Variants in RYR2 observed in about 807,000 individuals in gnomAD.
RYR2 encodes cardiac muscle ryanodine receptor-calcium release channel.
Under a neutral mutation model 601.1 loss-of-function variants are expected in RYR2, and 227 were observed. The ratio of observed to expected loss-of-function variants is 0.38; its 90% CI spans 0.34 to 0.42. The LOEUF is 0.42. RYR2 is among the 10% of genes least tolerant of loss of function. The pLI is 1.00. For missense variants in RYR2, 4,646 were observed against 6,156.5 expected (o/e 0.75, Z 8.21); for synonymous variants, 2,223 against 2,175.1 (o/e 1.02, Z -0.61).
At chr1:237,376,140 T>G (rs1244751402) in intron 7 of RYR2, among the ~76,000 whole-genome samples, 1 of 152,152 alleles carries the variant, frequency 6.6e-6, no homozygotes, top group Non-Finnish European at 1.5e-5. Context: ...TTTGAATGGA[T>G]GAAAAGCTAC....
intron 35 of RYR2, among the ~76,000 whole-genome samples, chr1:237,609,073 G>C (rs1456847971): frequency 9.4e-6 from 1 of 106,514 alleles, no homozygotes; most frequent in African/African-American, 3.5e-5. Context: ...TTTCTTTCTT[G>C]CTGACAGTCT....
chr1:237,206,229 A>G (rs1681799729), intron 1 of RYR2, among the ~76,000 whole-genome samples: 2 of 152,188 alleles, frequency 1.3e-5, no homozygotes, highest in African/African-American at 4.8e-5. Context: ...GAGGTGAGTC[A>G]TCACCTGAGG....
intron 64 of RYR2, among the ~76,000 whole-genome samples, chr1:237,699,779 A>G (rs1460924332): frequency 6.6e-6 from 1 of 152,244 alleles, no homozygotes; most frequent in Non-Finnish European, 1.5e-5. Flanking sequence ...CGGCGGCTTC[A>G]TTAGAAAAGA....
intron 1 of RYR2, among the ~76,000 whole-genome samples, chr1:237,254,099 A>C (rs554711839): frequency 1.2e-4 from 19 of 152,296 alleles, no homozygotes; most frequent in African/African-American, 4.6e-4. Flanking sequence ...ACAAGATTAA[A>C]ATTACTTCTG....
chr1:237,691,810 T>C (rs1177038483), intron 63 of RYR2, among the ~76,000 whole-genome samples: 1 of 152,184 alleles, frequency 6.6e-6, no homozygotes, highest in Non-Finnish European at 1.5e-5. Flanking sequence ...CTAGTGATTA[T>C]AAGTTGGTGC....
At position 237,430,565 on chromosome 1, in the gene RYR2, CAG is replaced by C. The variant is rs111851463; in HGVS notation, c.1005+7323_1005+7324del. On this transcript the variant is annotated intron_variant, in intron 12 of 104. Transcript: ENST00000366574. ...TGGAAGCTGTATGAGAATATGAAGA[CAG>C]AGAGAAATTTTTTCTTTAACTTAAA... Among the ~76,000 whole-genome samples the C allele has an allele frequency of 2.7e-3, 416 of 152,092 alleles. 4 individuals are homozygous for C. Among genetic ancestry groups the C allele is most frequent in the African/African-American group, 9.4e-3 (392 of 41,506 alleles).
chr1:237,559,534 C>T (rs532306207), intron 27 of RYR2, among the ~76,000 whole-genome samples: 97 of 152,328 alleles, frequency 6.4e-4, no homozygotes, highest in African/African-American at 2.3e-3. Flanking sequence ...GCATGAGACG[C>T]TGTGCCCAGC....
chr1:237,312,620 A>G (rs1223686586), intron 2 of RYR2, among the ~76,000 whole-genome samples: 1 of 152,242 alleles, frequency 6.6e-6, no homozygotes, highest in Admixed American at 6.5e-5. Context: ...CAAATATGTC[A>G]CTGAAAATGA....
intron 73 of RYR2, 122 bp downstream of exon 73, chr1:237,718,643 CATT>C: frequency 2.2e-6 from 1 of 445,294 alleles, no homozygotes; most frequent in Non-Finnish European, 4.1e-6. Flanking sequence ...TTTAATTAGT[CATT>C]ATCCTACTTG....
intron 74 of RYR2, 65 bp from the exon 75 acceptor site, chr1:237,726,208 T>C (rs1180413272): frequency 2.8e-6 from 3 of 1,069,524 alleles, no homozygotes; most frequent in Non-Finnish European, 2.8e-6. Flanking sequence ...TTTGACTCTT[T>C]ACTGCAAAGG....
At chr1:237,168,158 T>G (rs1676925373) in intron 1 of RYR2, among the ~76,000 whole-genome samples, 1 of 152,162 alleles carries the variant, frequency 6.6e-6, no homozygotes, top group Non-Finnish European at 1.5e-5. Context: ...CATCTGTAAT[T>G]GGGATTAGTA....
At chr1:237,540,578 G>T (rs1471050113) in intron 25 of RYR2, among the ~76,000 whole-genome samples, 6 of 152,030 alleles carry the variant, frequency 3.9e-5, no homozygotes, top group Non-Finnish European at 2.9e-5. Flanking sequence ...ATGGTGGCAG[G>T]TGCCTGTAAT....
chr1:237,568,323 G>T (rs530788834), intron 28 of RYR2, among the ~76,000 whole-genome samples: 8 of 152,224 alleles, frequency 5.3e-5, no homozygotes, highest in Non-Finnish European at 7.4e-5. Flanking sequence ...GTCTGGTAAC[G>T]TACCGATTCA....
chr1:237,569,393 G>A (rs78159899), intron 29 of RYR2, 74 bp downstream of exon 29: 23,701 of 1,461,776 alleles, frequency 0.016, 299 homozygotes, highest in East Asian at 0.063. Flanking sequence ...CTTCCTAACC[G>A]GGCGTTTCTG....
At chr1:237,667,279 G>A (rs921732710) in intron 57 of RYR2, among the ~76,000 whole-genome samples, 3 of 152,140 alleles carry the variant, frequency 2.0e-5, no homozygotes, top group Admixed American at 6.5e-5. Flanking sequence ...AATAAGGACC[G>A]TAAATATAAA....
chr1:237,283,488 C>T (rs1355602497), intron 2 of RYR2, among the ~76,000 whole-genome samples: 3 of 152,182 alleles, frequency 2.0e-5, no homozygotes, highest in South Asian at 2.1e-4. Flanking sequence ...TCTTGTATCT[C>T]AGGTACATAA....
chr1:237,136,781 C>T (rs979156812), intron 1 of RYR2, among the ~76,000 whole-genome samples: 5 of 151,922 alleles, frequency 3.3e-5, no homozygotes, highest in African/African-American at 7.3e-5. Context: ...TTTGGGAGGC[C>T]GAAGCAGGCA....
chr1:237,698,149 TG>T (rs1336486832), intron 63 of RYR2, among the ~76,000 whole-genome samples: 4 of 135,466 alleles, frequency 3.0e-5, no homozygotes, highest in African/African-American at 8.0e-5. Flanking sequence ...TGTGTGTGTG[TG>T]TAATGAGGAA....
In RYR2 at chr1:237,369,627, T is replaced by C. The variant is rs765827682; in HGVS notation, c.384+19T>C. 3.2e-6 allele frequency: 5 copies of C among 1,551,518 alleles called. No homozygotes were observed. The highest frequency in any genetic ancestry group is 4.4e-6 in the Non-Finnish European group (5 of 1,145,338). On this transcript the variant is annotated intron_variant, in intron 6 of 104. Transcript: ENST00000366574. Reference sequence around the variant, plus strand: ...TGGCATGGTGAGTAGGCATTTGATTTCATCTCCCTGTGGTCATGCTGATCC... The same window carrying C: ...TGGCATGGTGAGTAGGCATTTGATTCCATCTCCCTGTGGTCATGCTGATCC...
Sources: gnomAD v4.1 joint callset for allele counts (sites outside exome capture counted in the v4.1 genomes callset) on GRCh38, gnomAD v4.1.1 for gene constraint, MANE v1.5 for transcripts, NCBI Gene and HGNC (gene_info 2026-07-23, HGNC 2026-07-21) for gene names.